Variants in PLXNA4 observed in about 807,000 individuals in gnomAD.
PLXNA4 encodes plexin A4, also known as plexin-A4.
PLXNA4 carries 44 observed loss-of-function variants against 191.8 expected under a neutral mutation model. The observed-to-expected ratio is 0.23, with a 90% CI of 0.18 to 0.29. PLXNA4 has a LOEUF of 0.29. PLXNA4 is among the 10% of genes least tolerant of loss of function. The pLI, the probability that PLXNA4 is intolerant of heterozygous loss-of-function variation, is 1.00. For synonymous variants in PLXNA4, 1,082 were observed against 1,009.5 expected, an observed-to-expected ratio of 1.07 and a Z score of -1.36; for missense variants, 1,800 against 2,488.8, an observed-to-expected ratio of 0.72 and a Z score of 5.89.
chr7:132,247,362 A>G (rs1799095594), intron 4 of PLXNA4, among the ~76,000 whole-genome samples: 1 of 152,204 alleles, frequency 6.6e-6, no homozygotes, highest in Non-Finnish European at 1.5e-5. Flanking sequence ...TTAAATGTCC[A>G]AAAGGTTTCT....
intron 2 of PLXNA4, among the ~76,000 whole-genome samples, chr7:132,638,021 C>T (rs1255179945): frequency 2.0e-5 from 3 of 152,236 alleles, no homozygotes; most frequent in Non-Finnish European, 4.4e-5. Flanking sequence ...CAGCTAGGCT[C>T]CACTGTCTTC....
intron 3 of PLXNA4, among the ~76,000 whole-genome samples, chr7:132,434,523 G>A (rs1486559235): frequency 1.3e-5 from 2 of 152,194 alleles, no homozygotes; most frequent in Non-Finnish European, 2.9e-5. Flanking sequence ...CTTAAGTCAT[G>A]CTGTTTCAAG....
intron 3 of PLXNA4, among the ~76,000 whole-genome samples, chr7:132,326,705 C>T (rs889787406): frequency 6.6e-6 from 1 of 152,204 alleles, no homozygotes; most frequent in Non-Finnish European, 1.5e-5. Flanking sequence ...TCCTCTAACA[C>T]ATCTCTGTGC....
At chr7:132,246,606 G>C (rs557309839) in intron 4 of PLXNA4, among the ~76,000 whole-genome samples, 29 of 152,092 alleles carry the variant, frequency 1.9e-4, no homozygotes, top group Non-Finnish European at 3.7e-4. Context: ...TCACTCATGT[G>C]CCCTTCCCCA....
chr7:132,547,099 C>A (rs1470274946), intron 1 of PLXNA4, among the ~76,000 whole-genome samples: 1 of 152,146 alleles, frequency 6.6e-6, no homozygotes, highest in Non-Finnish European at 1.5e-5. Flanking sequence ...TTCCCTGATT[C>A]CAGTTCACAG....
At chr7:132,251,620 G>T (rs532616779) in intron 4 of PLXNA4, among the ~76,000 whole-genome samples, 3 of 152,184 alleles carry the variant, frequency 2.0e-5, no homozygotes, top group African/African-American at 7.2e-5. Flanking sequence ...GCTGACCAGC[G>T]TTCCCAGCAA....
chr7:132,251,280 T>C (rs184962170), intron 4 of PLXNA4, among the ~76,000 whole-genome samples: 1 of 152,312 alleles, frequency 6.6e-6, no homozygotes, highest in African/African-American at 2.4e-5. Context: ...AAGTATCGGT[T>C]GGCTTATCTT....
chr7:132,287,552 G>A (rs1800727494), intron 4 of PLXNA4, among the ~76,000 whole-genome samples: 1 of 152,048 alleles, frequency 6.6e-6, no homozygotes, highest in Admixed American at 6.6e-5. Flanking sequence ...CCAAGTCCGT[G>A]ATCTGTTCAT....
rs141517296 is a variant in PLXNA4 at position 132,385,637 on chromosome 7, T to C, written c.1372-87415A>G. On this transcript the variant is annotated intron_variant, in intron 3 of 31. Coordinates refer to ENST00000321063, the MANE Select transcript of PLXNA4 (RefSeq NM_020911.2). ...ATCAGGACAGGATGCCTCACCTATGTCCCTGAAAGAACAACCTCAAAGCCC... is the reference window on the plus strand; with the variant it reads ...ATCAGGACAGGATGCCTCACCTATGCCCCTGAAAGAACAACCTCAAAGCCC... Among the ~76,000 whole-genome samples the C allele has an allele frequency of 5.4e-3, 828 of 152,290 alleles. 7 individuals carry two copies. The highest frequency in any genetic ancestry group is 0.019 in the African/African-American group (773 of 41,550).
At chr7:132,265,109 T>C (rs1201919866) in intron 4 of PLXNA4, among the ~76,000 whole-genome samples, 2 of 152,106 alleles carry the variant, frequency 1.3e-5, no homozygotes, top group African/African-American at 4.8e-5. Context: ...CAATTAGGAA[T>C]AGTGAGCGGG....
intron 16 of PLXNA4, 146 bp from the exon 17 acceptor site, chr7:132,182,336 C>T (rs1214791080): frequency 2.9e-6 from 4 of 1,357,930 alleles, no homozygotes; most frequent in Non-Finnish European, 4.0e-6. Flanking sequence ...GACAAGCTGA[C>T]TGCATAGTAA....
intron 3 of PLXNA4, among the ~76,000 whole-genome samples, chr7:132,394,525 T>G (rs182541591): frequency 6.6e-6 from 1 of 152,204 alleles, no homozygotes; most frequent in East Asian, 1.9e-4. Flanking sequence ...CTGTCAGAAG[T>G]GCAAATACTG....
intron 2 of PLXNA4, among the ~76,000 whole-genome samples, chr7:132,505,340 C>A (rs556078125): frequency 6.6e-6 from 1 of 152,238 alleles, no homozygotes; most frequent in Non-Finnish European, 1.5e-5. Flanking sequence ...GCAGCACGAA[C>A]ACTTGCCCAT....
chr7:132,376,479 C>T (rs1010406253), intron 3 of PLXNA4, among the ~76,000 whole-genome samples: 3 of 152,176 alleles, frequency 2.0e-5, no homozygotes, highest in Non-Finnish European at 4.4e-5. Context: ...TTTTTAAAGG[C>T]CCTTCAAACT....
At chr7:132,418,839 A>G (rs1189451182) in intron 3 of PLXNA4, among the ~76,000 whole-genome samples, 1 of 152,296 alleles carries the variant, frequency 6.6e-6, no homozygotes, top group East Asian at 1.9e-4. Flanking sequence ...TCCTCTACAG[A>G]TTCTTCCCCT....
At chr7:132,389,340 C>T (rs1187109997) in intron 3 of PLXNA4, among the ~76,000 whole-genome samples, 2 of 152,204 alleles carry the variant, frequency 1.3e-5, no homozygotes, top group Non-Finnish European at 2.9e-5. Context: ...GAAGTCTTTG[C>T]CCATGCCAAT....
intron 3 of PLXNA4, among the ~76,000 whole-genome samples, chr7:132,300,667 G>A (rs1801270196): frequency 1.3e-5 from 2 of 152,126 alleles, no homozygotes; most frequent in Non-Finnish European, 2.9e-5. Flanking sequence ...AAACCAATTG[G>A]GATTACCACC....
chr7:132,240,532 G>C (rs1798841673), intron 5 of PLXNA4, among the ~76,000 whole-genome samples: 1 of 152,226 alleles, frequency 6.6e-6, no homozygotes, highest in East Asian at 1.9e-4. Context: ...AGCAGTGGGA[G>C]GGTCCTCAGG....
chr7:132,354,494 C>A (rs73158811), intron 3 of PLXNA4, among the ~76,000 whole-genome samples: 1 of 152,174 alleles, frequency 6.6e-6, no homozygotes, highest in South Asian at 2.1e-4. Flanking sequence ...ATAAAAATAA[C>A]TTTTGATCAT....
Sources: gnomAD v4.1 joint callset for allele counts (sites outside exome capture counted in the v4.1 genomes callset) on GRCh38, gnomAD v4.1.1 for gene constraint, MANE v1.5 for transcripts, NCBI Gene and HGNC (gene_info 2026-07-23, HGNC 2026-07-21) for gene names.